The following TANGO6 variants were observed in gnomAD, a reference collection of about 807,000 sequenced individuals.
TANGO6 encodes the protein transport and Golgi organization protein 6 homolog.
TANGO6 carries 90 observed loss-of-function variants against 114.2 expected under a neutral mutation model. The observed-to-expected ratio is 0.79, with a 90% CI of 0.66 to 0.94. The LOEUF is 0.94. TANGO6 is among the 40% of genes least tolerant of loss of function. The probability of loss-of-function intolerance (pLI) is 0.00; values close to 1 mark genes in which losing one functional copy is unlikely to be tolerated. For synonymous variants in TANGO6, 477 were observed against 509.8 expected, an observed-to-expected ratio of 0.94 and a Z score of 0.87; for missense variants, 1,274 against 1,315.3, an observed-to-expected ratio of 0.97 and a Z score of 0.49.
intron 3 of TANGO6, 81 bp downstream of exon 3, chr16:68,863,142 A>T: frequency 1.2e-6 from 1 of 809,442 alleles, no homozygotes. Flanking sequence ...AAATTAAATA[A>T]CTTTAGTTCC....
intron 14 of TANGO6, among the ~76,000 whole-genome samples, chr16:68,954,282 A>AGT: frequency 6.7e-6 from 1 of 149,904 alleles, no homozygotes; most frequent in Non-Finnish European, 1.5e-5. Context: ...AGGAGGAAAG[A>AGT]GTGTTGTAGG....
intron 14 of TANGO6, among the ~76,000 whole-genome samples, chr16:68,957,981 G>A (rs926913388): frequency 6.6e-6 from 1 of 150,458 alleles, no homozygotes; most frequent in Non-Finnish European, 1.5e-5. Context: ...AGACAAGCCT[G>A]GCCAACATGG....
At chr16:69,030,091 G>A (rs538216815) in intron 16 of TANGO6, among the ~76,000 whole-genome samples, 9 of 139,798 alleles carry the variant, frequency 6.4e-5, no homozygotes, top group Admixed American at 6.2e-4. Context: ...CTGGGCGACA[G>A]AGCGAGACTC....
chr16:68,917,657 G>T (rs192843007), intron 11 of TANGO6, among the ~76,000 whole-genome samples: 1 of 152,288 alleles, frequency 6.6e-6, no homozygotes, highest in African/African-American at 2.4e-5. Flanking sequence ...CAGTTCTCCA[G>T]TGACATAGGA....
At chr16:69,055,407 C>T (rs2152238458) in intron 17 of TANGO6, among the ~76,000 whole-genome samples, 1 of 152,312 alleles carries the variant, frequency 6.6e-6, no homozygotes, top group Admixed American at 6.5e-5. Context: ...GGCTTTCTTC[C>T]TGTGGCAGCA....
chr16:68,922,459 C>A lies in TANGO6; in HGVS notation c.2127+3240C>A, dbSNP rs1597021270. On this transcript the variant is annotated intron_variant, in intron 12 of 17. Coordinates refer to ENST00000261778, the MANE Select transcript of TANGO6 (RefSeq NM_024562.2). ...GCTGAGGCAGGAGAATCGCTTGAAC[C>A]CAGGAGGGGGAGGTTGCGGTGAGCG... 2.6e-5 allele frequency among the ~76,000 whole-genome samples: 4 copies of A among 152,018 alleles called. No individual in the cohort carries two copies. The East Asian group carries it at 7.7e-4, about 29-fold the overall frequency.
intron 7 of TANGO6, among the ~76,000 whole-genome samples, chr16:68,889,692 G>C (rs762709031): frequency 3.9e-5 from 6 of 152,172 alleles, no homozygotes; most frequent in Non-Finnish European, 4.4e-5. Flanking sequence ...CTTTGGTTCA[G>C]ACTCTCTGGT....
rs1322576058 is a variant in TANGO6 at position 68,863,371 on chromosome 16, G to A, written c.852+310G>A. On this transcript the variant is annotated intron_variant, in intron 3 of 17. Coordinates refer to ENST00000261778, the MANE Select transcript of TANGO6 (RefSeq NM_024562.2). Reference sequence around the variant, plus strand: ...GCCTGTAATCCCAGCACTTTGGGAGGCCGAGGTGGGCGGATCACCTGAGGT... The same window carrying A: ...GCCTGTAATCCCAGCACTTTGGGAGACCGAGGTGGGCGGATCACCTGAGGT... Among the ~76,000 whole-genome samples, 3 of 152,068 alleles carry A rather than the reference G, an allele frequency of 2.0e-5. No individual in the cohort carries two copies. The East Asian group carries it at 5.8e-4, about 29-fold the overall frequency.
At chr16:69,045,987 C>G (rs1243084425) in intron 17 of TANGO6, among the ~76,000 whole-genome samples, 1 of 144,854 alleles carries the variant, frequency 6.9e-6, no homozygotes, top group Non-Finnish European at 1.5e-5. Context: ...TTGCTTGACC[C>G]TAAGAGGCAG....
intron 14 of TANGO6, among the ~76,000 whole-genome samples, chr16:68,944,523 C>T (rs78188447): frequency 0.035 from 5,277 of 152,134 alleles, 322 homozygotes; most frequent in African/African-American, 0.12. Context: ...GAGAGACCCC[C>T]CTCCAAATAA....
intron 14 of TANGO6, among the ~76,000 whole-genome samples, chr16:68,947,791 C>T (rs1231926943): frequency 1.3e-5 from 2 of 151,876 alleles, no homozygotes; most frequent in East Asian, 1.9e-4. Context: ...GGGGTTTCAC[C>T]GTGTTGGCCA....
intron 9 of TANGO6, among the ~76,000 whole-genome samples, chr16:68,903,400 C>A (rs965288733): frequency 6.6e-6 from 1 of 151,514 alleles, no homozygotes; most frequent in African/African-American, 2.4e-5. Flanking sequence ...GGGTGGATCA[C>A]CTGAGGTTAG....
At chr16:68,940,675 T>C (rs559440710) in intron 14 of TANGO6, among the ~76,000 whole-genome samples, 13 of 152,270 alleles carry the variant, frequency 8.5e-5, no homozygotes, top group Non-Finnish European at 1.3e-4. Flanking sequence ...TATAGGGCTT[T>C]AGGAACAGAG....
At chr16:69,051,220 T>G (rs1266039080) in intron 17 of TANGO6, among the ~76,000 whole-genome samples, 1 of 152,202 alleles carries the variant, frequency 6.6e-6, no homozygotes, top group Non-Finnish European at 1.5e-5. Flanking sequence ...CATTTTCCAC[T>G]TGTTTTGTTG....
chr16:68,916,656 CAG>C (rs1224463689), intron 11 of TANGO6, among the ~76,000 whole-genome samples: 2 of 152,088 alleles, frequency 1.3e-5, no homozygotes, highest in African/African-American at 4.8e-5. Context: ...GGGAGTGAGT[CAG>C]GGCAGGAATC....
chr16:68,946,997 T>C (rs951712217), intron 14 of TANGO6, among the ~76,000 whole-genome samples: 1 of 152,244 alleles, frequency 6.6e-6, no homozygotes, highest in African/African-American at 2.4e-5. Flanking sequence ...GTGAAAATTC[T>C]GAGGCCTACA....
chr16:68,994,181 T>C (rs571350201), intron 15 of TANGO6, among the ~76,000 whole-genome samples: 12 of 152,258 alleles, frequency 7.9e-5, no homozygotes, highest in Non-Finnish European at 1.5e-4. Context: ...TTTTAGTTCA[T>C]TGAGTTGCCA....
chr16:68,860,595 G>C, intron 2 of TANGO6, 71 bp downstream of exon 2: 2 of 1,537,664 alleles, frequency 1.3e-6, no homozygotes, highest in Non-Finnish European at 1.7e-6. Context: ...TTTGTGGATA[G>C]TTGTTATAAA....
At chr16:68,847,816 A>G (rs1961837487) in intron 1 of TANGO6, among the ~76,000 whole-genome samples, 2 of 152,106 alleles carry the variant, frequency 1.3e-5, no homozygotes, top group African/African-American at 2.4e-5. Flanking sequence ...CCTGGCCAAC[A>G]TGGCGAAACC....
Sources: gnomAD v4.1 joint callset for allele counts (sites outside exome capture counted in the v4.1 genomes callset) on GRCh38, gnomAD v4.1.1 for gene constraint, MANE v1.5 for transcripts, NCBI Gene and HGNC (gene_info 2026-07-23, HGNC 2026-07-21) for gene names.